Variants in PTPRB observed in about 807,000 individuals in gnomAD.
PTPRB encodes receptor-type tyrosine-protein phosphatase beta.
In PTPRB, 97 loss-of-function variants were observed where a neutral mutation model predicts 238.1. That is an observed-to-expected ratio of 0.41 (90% CI 0.35 to 0.48). PTPRB has a LOEUF of 0.48. PTPRB is among the 20% of genes least tolerant of loss of function. PTPRB has a pLI of 0.30. For synonymous variants in PTPRB, 970 were observed against 995.4 expected, an observed-to-expected ratio of 0.97 and a Z score of 0.48; for missense variants, 2,292 against 2,681.9, an observed-to-expected ratio of 0.85 and a Z score of 3.21.
chr12:70,613,850 G>A (rs1884566333), intron 3 of PTPRB, among the ~76,000 whole-genome samples: 1 of 152,146 alleles, frequency 6.6e-6, no homozygotes, highest in Non-Finnish European at 1.5e-5. Flanking sequence ...ACATGGTCCT[G>A]TTGGTCCTGC....
chr12:70,613,143 T>G (rs1884534239), intron 3 of PTPRB, among the ~76,000 whole-genome samples: 1 of 152,010 alleles, frequency 6.6e-6, no homozygotes, highest in Non-Finnish European at 1.5e-5. Flanking sequence ...GACATGGGGA[T>G]GAGGGGCAGT....
intron 15 of PTPRB, among the ~76,000 whole-genome samples, chr12:70,566,091 T>C (rs559017945): frequency 6.6e-6 from 1 of 152,236 alleles, no homozygotes; most frequent in Non-Finnish European, 1.5e-5. Context: ...CCCTGTTGTC[T>C]TGATTTCAGT....
chr12:70,562,115 A>T (rs1878563534), intron 16 of PTPRB, among the ~76,000 whole-genome samples: 1 of 152,166 alleles, frequency 6.6e-6, no homozygotes, highest in East Asian at 1.9e-4. Context: ...TACAAAAAAT[A>T]AAAATTAAAA....
At chr12:70,565,857 G>T (rs967796233) in intron 15 of PTPRB, among the ~76,000 whole-genome samples, 1 of 152,176 alleles carries the variant, frequency 6.6e-6, no homozygotes, top group African/African-American at 2.4e-5. Context: ...TGAGACGAAG[G>T]AATTATCCTG....
chr12:70,572,111 T>C (rs1473332874), intron 11 of PTPRB, 24 bp from the exon 12 acceptor site: 2 of 1,574,900 alleles, frequency 1.3e-6, no homozygotes, highest in Non-Finnish European at 1.7e-6. Flanking sequence ...AGAGAGTAAC[T>C]AAATATTTAT....
intron 2 of PTPRB, among the ~76,000 whole-genome samples, chr12:70,630,523 C>G (rs552514833): frequency 5.4e-4 from 82 of 152,306 alleles, no homozygotes; most frequent in African/African-American, 1.9e-3. Context: ...CAAGGATGCC[C>G]TCTCTCACCA....
intron 2 of PTPRB, among the ~76,000 whole-genome samples, chr12:70,629,965 C>T (rs2136603464): frequency 6.6e-6 from 1 of 152,150 alleles, no homozygotes; most frequent in East Asian, 1.9e-4. Flanking sequence ...AGCCTACCAA[C>T]CAAAAAAAGT....
rs556650903 is a variant in PTPRB at position 70,555,428 on chromosome 12, G to A, written c.4994-119C>T. On this transcript the variant is annotated intron_variant, in intron 19 of 33. Transcript: ENST00000334414. ...TGCATCAGACTGTGTGTGTGTGAGC[G>A]TGTGCCTGTGTTTAATGCTGTAATC... 811 of 956,062 alleles carry A rather than the reference G, an allele frequency of 8.5e-4. 1 individual carries two copies. The highest frequency in any genetic ancestry group is 1.3e-3 in the Middle Eastern group (4 of 3,008). The allele number at this position is 956,062 out of a possible 1,614,324, so 59.2% of individuals were successfully genotyped here.
In PTPRB at chr12:70,518,768, T is replaced by TA. The variant is rs1482786735; in HGVS notation, c.*2720_*2721insT. On this transcript the variant is annotated 3_prime_UTR_variant, in exon 34 of 34. Coordinates refer to ENST00000334414, the MANE Select transcript of PTPRB (RefSeq NM_001109754.4). ...ATTTAATGAGATGAGGTTAAAGGAG[T>TA]TAATTATAACGAACTTGGAAAAATA... 1 of 150,980 alleles carries TA rather than the reference T, an allele frequency of 6.6e-6. No individual in the cohort carries two copies. The highest frequency in any genetic ancestry group is 1.5e-5 in the Non-Finnish European group (1 of 67,622). The allele number at this position is 150,980 out of a possible 1,614,324, so 9.4% of individuals were successfully genotyped here. A position where few individuals can be genotyped will look rare whatever the true frequency, so the allele number is the denominator to read the frequency against.
Position 70,538,185 on chromosome 12 carries a change from G to A in PTPRB, c.5916C>T (p.Cys1972=), listed in dbSNP as rs1356155413. 1.2e-6 allele frequency: 2 copies of A among 1,613,798 alleles called. No individual in the cohort carries two copies. Among genetic ancestry groups the A allele is most frequent in the East Asian group, 2.2e-5 (1 of 44,870 alleles). The stretch of plus-strand genomic sequence containing the variant: ...TGTAGCTGGCATTGATGTAGTCAGA[G>A]CAAGGATCATCATCTACATTGGAGA... ...VKLSNVDDDP[C]SDYINASYIP... is the part of the protein sequence containing the mutation. Residue 1972 remains cysteine (C), a synonymous_variant, in exon 28 of 34, where the codon TGC becomes TGT. Coordinates refer to ENST00000334414, the MANE Select transcript of PTPRB (RefSeq NM_001109754.4).
At chr12:70,614,213 G>T (rs1884582922) in intron 3 of PTPRB, among the ~76,000 whole-genome samples, 1 of 152,118 alleles carries the variant, frequency 6.6e-6, no homozygotes, top group African/African-American at 2.4e-5. Flanking sequence ...ATTTTAATAG[G>T]CCTTCCAGTA....
Position 70,581,066 on chromosome 12 carries a change from A to C in PTPRB, c.2548T>G (p.Ser850Ala). ...VVTTVSGGIS[S>A]RQVVVEGRTV... ...CTTCCCTCCACAACCACTTGTCGGG[A>C]AGAGATCCCTCCACTCACTGTTGTT... Residue 850 changes from serine (S) to alanine (A), a missense_variant, in exon 10 of 34, where the codon TCC becomes GCC. Ser to Ala is a moderately conservative substitution (Grantham distance 99). Transcript: ENST00000334414. The C allele has an allele frequency of 6.2e-7, 1 of 1,613,950 alleles. No individual in the cohort carries two copies. The highest frequency in any genetic ancestry group is 8.5e-7 in the Non-Finnish European group (1 of 1,179,880).
Position 70,559,375 on chromosome 12 carries a change from T to C in PTPRB, c.4682A>G (p.Tyr1561Cys). Reference protein sequence around the residue: ...KTVSGDSWKTYSKPIFGSVRT... With the variant: ...KTVSGDSWKTCSKPIFGSVRT... ...CACAGATCCAAAAATTGGTTTGCTG[T>C]AAGTTTTCCAGGAATCACCACTGAC... is the stretch of plus-strand genomic sequence containing the variant. The change falls in exon 18 of 34, where the codon TAC becomes TGC. Residue 1561 changes from tyrosine to cysteine, a missense_variant. By Grantham distance (194) the Tyr-to-Cys change is radical. Transcript: ENST00000334414. 6.2e-7 allele frequency: 1 copy of C among 1,613,934 alleles called. No individual in the cohort carries two copies. Among genetic ancestry groups the C allele is most frequent in the Non-Finnish European group, 8.5e-7 (1 of 1,179,798 alleles).
intron 21 of PTPRB, among the ~76,000 whole-genome samples, chr12:70,551,466 G>A (rs1245051015): frequency 2.0e-5 from 3 of 152,132 alleles, no homozygotes; most frequent in Admixed American, 2.0e-4. Context: ...ACATCTGTCT[G>A]ACTTTTTTGA....
At chr12:70,576,985 C>G (rs1195082528) in intron 10 of PTPRB, among the ~76,000 whole-genome samples, 1 of 152,070 alleles carries the variant, frequency 6.6e-6, no homozygotes, top group African/African-American at 2.4e-5. Context: ...AGAAGGTTCC[C>G]TGTAAGAAAG....
chr12:70,562,787 C>T (rs569448325), intron 16 of PTPRB, 57 bp downstream of exon 16: 3 of 1,570,820 alleles, frequency 1.9e-6, no homozygotes, highest in South Asian at 2.4e-5. Flanking sequence ...AAGGAAAAGC[C>T]AGTGAATACC....
intron 4 of PTPRB, among the ~76,000 whole-genome samples, chr12:70,605,414 A>T (rs1370752983): frequency 6.6e-6 from 1 of 152,166 alleles, no homozygotes; most frequent in Non-Finnish European, 1.5e-5. Context: ...CTTTCCATTC[A>T]TCCATCTATC....
chr12:70,590,147 A>T lies in PTPRB; in HGVS notation c.1867T>A (p.Trp623Arg). Residue 623 changes from tryptophan (W) to arginine (R), a missense_variant, in exon 8 of 34, where the codon TGG (tryptophan) becomes AGG (arginine). Trp to Arg is a moderately radical substitution (Grantham distance 101). Transcript: ENST00000334414. Reference sequence around the variant, plus strand: ...AAGAGTAGGATCCGATACTGCTCCCAGTCTCCAGCAGGGGGCGACCAGCTC... The same window carrying T: ...AAGAGTAGGATCCGATACTGCTCCCTGTCTCCAGCAGGGGGCGACCAGCTC... ...VVSWSPPAGD[W>R]EQYRILLFND... 1.9e-6 allele frequency: 3 copies of T among 1,613,558 alleles called. No homozygotes were observed. The highest frequency in any genetic ancestry group is 2.5e-6 in the Non-Finnish European group (3 of 1,179,676).
intron 22 of PTPRB, chr12:70,542,853 C>T (rs1256096857): frequency 6.7e-6 from 1 of 148,842 alleles, no homozygotes; most frequent in Non-Finnish European, 1.5e-5. Flanking sequence ...CACCACTGCA[C>T]TCCAGCCTGG....
Sources: gnomAD v4.1 joint callset for allele counts (sites outside exome capture counted in the v4.1 genomes callset) on GRCh38, gnomAD v4.1.1 for gene constraint, MANE v1.5 for transcripts, NCBI Gene and HGNC (gene_info 2026-07-23, HGNC 2026-07-21) for gene names.